Variants in TXLNA observed in about 807,000 individuals in gnomAD.
TXLNA encodes alpha-taxilin.
In TXLNA, 9 loss-of-function variants were observed where a neutral mutation model predicts 61.4. That is an observed-to-expected ratio of 0.15 (90% CI 0.09 to 0.26). The LOEUF is 0.26. Among genes scored for constraint, TXLNA ranks in the 10% least tolerant of loss-of-function variants. TXLNA has a pLI of 1.00. For synonymous variants in TXLNA, 257 were observed against 267.7 expected, an observed-to-expected ratio of 0.96 and a Z score of 0.39; for missense variants, 565 against 688.8, an observed-to-expected ratio of 0.82 and a Z score of 2.01.
In TXLNA at chr1:32,197,596, A is replaced by T. The variant is rs1643051945; in HGVS notation, c.*2401A>T. 1 of 152,290 alleles carries T rather than the reference A, an allele frequency of 6.6e-6. No individual in the cohort carries two copies. Among genetic ancestry groups the T allele is most frequent in the South Asian group, 2.1e-4 (1 of 4,836 alleles). 9.4% of individuals were successfully genotyped at this position (152,290 alleles called of 1,614,324 possible). A position where few individuals can be genotyped will look rare whatever the true frequency, so the allele number is the denominator to read the frequency against. On this transcript the variant is annotated 3_prime_UTR_variant, in exon 11 of 11. Coordinates refer to ENST00000373610, the MANE Select transcript of TXLNA (RefSeq NM_175852.4). The surrounding 1 kb of genome is among the most constrained non-coding windows in gnomAD (Gnocchi z 4.6). The stretch of plus-strand genomic sequence containing the variant: ...CAGGGGAGGTGCCTATCCATGAGTG[A>T]AGGCCAGTGTCTTCCTCACCTGGGT...
At chr1:32,191,504 G>T (rs1240733701) in intron 6 of TXLNA, among the ~76,000 whole-genome samples, 3 of 152,030 alleles carry the variant, frequency 2.0e-5, no homozygotes, top group Non-Finnish European at 4.4e-5. Context: ...GGCTTCCTGG[G>T]CCACTACAGT....
chr1:32,190,539 A>G (rs538014021), intron 6 of TXLNA, among the ~76,000 whole-genome samples: 1 of 152,300 alleles, frequency 6.6e-6, no homozygotes, highest in East Asian at 1.9e-4. Flanking sequence ...ACATGTATGG[A>G]CTGTGTGTTA....
chr1:32,198,018 T>G lies in TXLNA; in HGVS notation c.*2823T>G, dbSNP rs956311758. ...GAGGGCCAAGGCCTGCTGAGCTGAT[T>G]CTCCAGCTGCTGCCCCAGCCTTTCC... On this transcript the variant is annotated 3_prime_UTR_variant, in exon 11 of 11. Transcript: ENST00000373610. The G allele has an allele frequency of 2.6e-5, 4 of 152,446 alleles. No homozygotes were observed. The highest frequency in any genetic ancestry group is 7.2e-5 in the African/African-American group (3 of 41,460). 9.4% of individuals were successfully genotyped at this position (152,446 alleles called of 1,614,324 possible).
At position 32,190,078 on chromosome 1, in the gene TXLNA, G is replaced by T. The variant is rs775002024; in HGVS notation, c.792G>T (p.Arg264=). The part of the protein sequence containing the change: ...SLKEEGVQRA[R]EEEEKRKEVT... ...AGGAAGAAGGTGTGCAGCGGGCCCGGGAGGAGGAGGAGAAGCGCAAGGAGG... is the reference window on the plus strand; with the variant it reads ...AGGAAGAAGGTGTGCAGCGGGCCCGTGAGGAGGAGGAGAAGCGCAAGGAGG... Residue 264 remains arginine, a synonymous_variant, in exon 6 of 11, where the codon CGG becomes CGT. Transcript: ENST00000373610. The T allele has an allele frequency of 6.3e-7, 1 of 1,575,322 alleles. No individual in the cohort carries two copies. Among genetic ancestry groups the T allele is most frequent in the Non-Finnish European group, 8.6e-7 (1 of 1,159,372 alleles).
intron 8 of TXLNA, 106 bp from the exon 9 acceptor site, chr1:32,193,102 C>A: frequency 1.3e-6 from 1 of 757,326 alleles, no homozygotes; most frequent in Non-Finnish European, 2.4e-6. Flanking sequence ...AAAATAGTAT[C>A]TCAATAGAAT....
Sources: gnomAD v4.1 joint callset for allele counts (sites outside exome capture counted in the v4.1 genomes callset) on GRCh38, gnomAD v4.1.1 for gene constraint, Gnocchi (gnomAD v3.1) non-coding constraint, MANE v1.5 for transcripts, NCBI Gene and HGNC (gene_info 2026-07-23, HGNC 2026-07-21) for gene names.